ZNF311: variants seen among roughly 807,000 people sequenced by gnomAD.
ZNF311 encodes zinc finger protein 311.
ZNF311 carries 14 observed loss-of-function variants against 22.7 expected under a neutral mutation model. The ratio of observed to expected loss-of-function variants is 0.62; its 90% confidence interval spans 0.41 to 0.96. The LOEUF is 0.96. ZNF311 is among the 40% of genes least tolerant of loss of function. The probability of loss-of-function intolerance (pLI) is 0.00; values close to 1 mark genes in which losing one functional copy is unlikely to be tolerated. For missense variants in ZNF311, 731 were observed against 799.0 expected, an observed-to-expected ratio of 0.91 and a Z score of 1.03; for synonymous variants, 250 against 275.3, an observed-to-expected ratio of 0.91 and a Z score of 0.91.
At chr6:29,004,715 C>G (rs900775453) in intron 1 of ZNF311, among the ~76,000 whole-genome samples, 20 of 152,178 alleles carry the variant, frequency 1.3e-4, no homozygotes, top group Admixed American at 6.5e-5. Context: ...CTCCTGCTCA[C>G]CCAAAATAAG....
rs1250290483 is a variant in ZNF311 at position 28,995,352 on chromosome 6, A to G, written c.1650T>C (p.Thr550=). 2 of 1,613,888 alleles carry G rather than the reference A, an allele frequency of 1.2e-6. No individual in the cohort carries two copies. Among genetic ancestry groups the G allele is most frequent in the Non-Finnish European group, 1.7e-6 (2 of 1,180,010 alleles). The part of the protein sequence containing the change: ...SNLTNHRRIH[T]GEKPHKCEVC... ...CCTCACATTTGTGAGGCTTCTCTCC[A>G]GTGTGAATTCTTCGATGATTGGTCA... Residue 550 remains threonine, a synonymous_variant, in exon 7 of 7, where the codon ACT becomes ACC. Transcript: ENST00000377179. This position sits in a 1 kb window ranked among gnomAD's most constrained non-coding sequence, Gnocchi z 4.7.
chr6:29,004,895 A>G (rs2150739278), intron 1 of ZNF311, 113 bp downstream of exon 1: 1 of 152,214 alleles, frequency 6.6e-6, no homozygotes, highest in African/African-American at 2.4e-5. Flanking sequence ...ATGGCTAATA[A>G]TCTTGCCTCC....
rs1780868480 is a variant in ZNF311, at chr6:29,004,305, T to C, written c.-260-91A>G. ...CTGAGGCACGAAGTCAAACTGAAAA[T>C]GTGAACATATCCAGAATACAATCTC... On this transcript the variant is annotated intron_variant, in intron 1 of 6. Transcript: ENST00000377179. The C allele has an allele frequency of 5.5e-6, 5 of 902,364 alleles. No individual in the cohort carries two copies. In the South Asian group the frequency reaches 1.1e-4, roughly 19 times the overall value. The allele number at this position is 902,364 out of a possible 1,614,324, so 55.9% of individuals were successfully genotyped here.
Position 28,996,014 on chromosome 6 carries a change from G to T in ZNF311, c.988C>A (p.Pro330Thr), listed in dbSNP as rs776492003. 2 of 1,613,490 alleles carry T rather than the reference G, an allele frequency of 1.2e-6. No individual in the cohort carries two copies. Among genetic ancestry groups the T allele is most frequent in the African/African-American group, 2.7e-5 (2 of 74,924 alleles). ...RHKKTHSGEKPHECRDCGKAF... is the reference protein window; with the variant it reads ...RHKKTHSGEKTHECRDCGKAF... ...TTCCCACAGTCCCTGCACTCGTGAG[G>T]CTTCTCCCCACTGTGGGTTTTTTTA... The change falls in exon 7 of 7, where the codon CCT (proline) becomes ACT (threonine). Residue 330 changes from proline (P) to threonine (T), a missense_variant. Coordinates refer to ENST00000377179, the MANE Select transcript of ZNF311 (RefSeq NM_001382360.1).
intron 1 of ZNF311, among the ~76,000 whole-genome samples, chr6:29,004,597 C>T (rs1222573918): frequency 6.6e-6 from 1 of 152,100 alleles, no homozygotes; most frequent in Non-Finnish European, 1.5e-5. Context: ...TGGATCATTT[C>T]ATCGCTCTGC....
intron 3 of ZNF311, among the ~76,000 whole-genome samples, chr6:29,001,533 C>A (rs1208463362): frequency 1.3e-5 from 2 of 152,204 alleles, no homozygotes; most frequent in African/African-American, 4.8e-5. Flanking sequence ...GGATGGCACA[C>A]AACTCACAGC....
chr6:28,997,094 C>G (rs1779713835), intron 6 of ZNF311, among the ~76,000 whole-genome samples: 1 of 152,186 alleles, frequency 6.6e-6, no homozygotes, highest in Non-Finnish European at 1.5e-5. Flanking sequence ...CAAACCAGGT[C>G]AGATTCTCTA....
At position 28,998,646 on chromosome 6, in the gene ZNF311, C is replaced by T. The variant is rs552435029; in HGVS notation, c.415+88G>A. The T allele has an allele frequency of 1.3e-4, 118 of 899,314 alleles. 1 individual carries two copies. Among genetic ancestry groups the T allele is most frequent in the Admixed American group, 7.7e-4 (30 of 39,010 alleles). 55.7% of individuals were successfully genotyped at this position (899,314 alleles called of 1,614,324 possible). A position where few individuals can be genotyped will look rare whatever the true frequency, so the allele number is the denominator to read the frequency against. ...AAATGGGTTTCCTTTCTGGGCCCTT[C>T]GACTGGATGATCCACCACTGAGAAT... On this transcript the variant is annotated intron_variant, in intron 6 of 6. Transcript: ENST00000377179.
rs1779273722 is a variant in ZNF311 at position 28,995,072 on chromosome 6, C to T, written c.1930G>A (p.Gly644Arg). The change falls in exon 7 of 7, where the codon GGG (glycine) becomes AGG (arginine). Residue 644 changes from glycine to arginine, a missense_variant. Gly to Arg is a moderately radical substitution (Grantham distance 125). Transcript: ENST00000377179. The surrounding 1 kb of genome is among the most constrained non-coding windows in gnomAD (Gnocchi z 4.7). ...HQVWSTHELD[G>R]SRKSLSPVTV... ...ACTGGAGAGAGGGATTTCCTACTCC[C>T]ATCAAGTTCATGGGTACTCCATACT... 1.2e-6 allele frequency: 2 copies of T among 1,613,478 alleles called. No homozygotes were observed. Among genetic ancestry groups the T allele is most frequent in the African/African-American group, 1.3e-5 (1 of 74,924 alleles).
intron 3 of ZNF311, among the ~76,000 whole-genome samples, chr6:29,000,847 C>A (rs536030544): frequency 6.6e-6 from 1 of 151,276 alleles, no homozygotes; most frequent in African/African-American, 2.4e-5. Context: ...CGTGATCTTG[C>A]CTCACTGCAA....
chr6:28,997,764 A>T (rs1451301073), intron 6 of ZNF311, among the ~76,000 whole-genome samples: 1 of 152,186 alleles, frequency 6.6e-6, no homozygotes, highest in Non-Finnish European at 1.5e-5. Context: ...TATGACAGTT[A>T]ATAAATCTTA....
rs1453759609 is a variant in ZNF311 at position 28,995,284 on chromosome 6, T to C, written c.1718A>G (p.His573Arg). ...AFHHSSVLRQ[H>R]KRIHTGEKPY... ...CTTCTCACCAGTGTGGATTCTTTTGTGCTGCCTCAGGACTGAACTATGATG... is the reference window on the plus strand; with the variant it reads ...CTTCTCACCAGTGTGGATTCTTTTGCGCTGCCTCAGGACTGAACTATGATG... The change falls in exon 7 of 7, where the codon CAC becomes CGC. Residue 573 changes from histidine to arginine, a missense_variant. Coordinates refer to ENST00000377179, the MANE Select transcript of ZNF311 (RefSeq NM_001382360.1). This position sits in a 1 kb window ranked among gnomAD's most constrained non-coding sequence, Gnocchi z 4.7. 6.2e-7 allele frequency: 1 copy of C among 1,613,934 alleles called. No individual in the cohort carries two copies. Among genetic ancestry groups the C allele is most frequent in the Non-Finnish European group, 8.5e-7 (1 of 1,180,040 alleles).
chr6:28,995,801 C>G lies in ZNF311; in HGVS notation c.1201G>C (p.Asp401His). The change falls in exon 7 of 7, where the codon GAC (aspartate) becomes CAC (histidine). Residue 401 changes from aspartate (D) to histidine (H), a missense_variant. Transcript: ENST00000377179. This position sits in a 1 kb window ranked among gnomAD's most constrained non-coding sequence, Gnocchi z 4.7. ...ECGKAFSGSSDLTKHIRIHTG... is the reference protein window; with the variant it reads ...ECGKAFSGSSHLTKHIRIHTG... ...TGGATTCTTATGTGTTTGGTGAGGTCTGAACTCCCACTGAAGGCCTTCCCG... is the reference window on the plus strand; with the variant it reads ...TGGATTCTTATGTGTTTGGTGAGGTGTGAACTCCCACTGAAGGCCTTCCCG... 6.2e-7 allele frequency: 1 copy of G among 1,613,772 alleles called. No homozygotes were observed. The highest frequency in any genetic ancestry group is 8.5e-7 in the Non-Finnish European group (1 of 1,179,980).
rs1335931553 is a variant in ZNF311, at chr6:28,996,128, T to C, written c.874A>G (p.Met292Val). 21 of 1,613,266 alleles carry C rather than the reference T, an allele frequency of 1.3e-5. No homozygotes were observed. The highest frequency in any genetic ancestry group is 4.0e-5 in the African/African-American group (3 of 74,886). ...KAFKTRNQLS[M>V]HRIIHTGEKP... ...TCCCCTGTGTGGATTATCCGGTGCATAGAAAGCTGATTTCTGGTCTTGAAT... is the reference window on the plus strand; with the variant it reads ...TCCCCTGTGTGGATTATCCGGTGCACAGAAAGCTGATTTCTGGTCTTGAAT... The change falls in exon 7 of 7, where the codon ATG (methionine) becomes GTG (valine). Residue 292 changes from methionine to valine, a missense_variant. Met to Val is a conservative substitution (Grantham distance 21). Coordinates refer to ENST00000377179, the MANE Select transcript of ZNF311 (RefSeq NM_001382360.1).
In ZNF311 at chr6:28,996,300, A is replaced by G. The variant is rs756757432; in HGVS notation, c.702T>C (p.His234=). ...CTATAAGAACTTTATTACATTGACT[A>G]TGTTTTGAGTTTGGATTCAAGTTTT... ...LSKNLNPNSK[H]SQCNKVLIAQ... Residue 234 remains histidine, a synonymous_variant, in exon 7 of 7, where the codon CAT becomes CAC. Coordinates refer to ENST00000377179, the MANE Select transcript of ZNF311 (RefSeq NM_001382360.1). The G allele has an allele frequency of 4.3e-6, 7 of 1,612,822 alleles. No homozygotes were observed. In the South Asian group the frequency reaches 6.6e-5, roughly 15 times the overall value.
In ZNF311 at chr6:29,004,079, A is replaced by G; in HGVS notation, c.-125T>C. On this transcript the variant is annotated 5_prime_UTR_variant, in exon 2 of 7. An upstream start codon of the reference 5' UTR is lost. Coordinates refer to ENST00000377179, the MANE Select transcript of ZNF311 (RefSeq NM_001382360.1). ...GATGCCAGCCTCCTTTGGAGAACACATGTTTTGGTGGTGCCAGCCAAAGGG... is the reference window on the plus strand; with the variant it reads ...GATGCCAGCCTCCTTTGGAGAACACGTGTTTTGGTGGTGCCAGCCAAAGGG... 1 of 1,601,028 alleles carries G rather than the reference A, an allele frequency of 6.2e-7. No individual in the cohort carries two copies. Among genetic ancestry groups the G allele is most frequent in the Non-Finnish European group, 8.5e-7 (1 of 1,174,706 alleles).
At chr6:29,004,258 A>G (rs1302375318) in intron 1 of ZNF311, 44 bp from the exon 2 acceptor site, 2 of 1,333,994 alleles carry the variant, frequency 1.5e-6, no homozygotes, top group Non-Finnish European at 1.9e-6. Flanking sequence ...ACCACAGGAA[A>G]AAATAGGGAG....
At chr6:29,000,990 A>T (rs1780373235) in intron 3 of ZNF311, among the ~76,000 whole-genome samples, 1 of 151,964 alleles carries the variant, frequency 6.6e-6, no homozygotes, top group Non-Finnish European at 1.5e-5. Flanking sequence ...GTTAGCCAGG[A>T]TGGTCTCCAT....
intron 6 of ZNF311, among the ~76,000 whole-genome samples, chr6:28,997,235 C>T (rs1779739124): frequency 6.6e-6 from 1 of 152,068 alleles, no homozygotes; most frequent in Admixed American, 6.6e-5. Flanking sequence ...AATGTTCTGC[C>T]ATCTGGTCCG....
Sources: gnomAD v4.1 joint callset for allele counts (sites outside exome capture counted in the v4.1 genomes callset) on GRCh38, gnomAD v4.1.1 for gene constraint, Gnocchi (gnomAD v3.1) non-coding constraint, MANE v1.5 for transcripts, NCBI Gene and HGNC (gene_info 2026-07-23, HGNC 2026-07-21) for gene names.